The following ARIH1 variants were observed in gnomAD, a reference collection of about 807,000 sequenced individuals.
ARIH1 encodes the protein E3 ubiquitin-protein ligase ARIH1.
A neutral mutation model predicts 85.0 loss-of-function variants in ARIH1; 8 were observed. The observed-to-expected ratio is 0.09, with a 90% confidence interval of 0.06 to 0.17. The LOEUF is 0.17. Ranked by LOEUF, ARIH1 falls within the 10% of genes least tolerant of loss-of-function variation. The probability of loss-of-function intolerance (pLI) is 1.00; values close to 1 mark genes in which losing one functional copy is unlikely to be tolerated. For synonymous variants in ARIH1, 238 were observed against 253.6 expected (o/e 0.94, Z 0.59); for missense variants, 311 against 718.1 (o/e 0.43, Z 6.48).
At position 72,543,846 on chromosome 15, in the gene ARIH1, AG is replaced by A. The variant is rs548289533; in HGVS notation, c.444-973del. On this transcript the variant is annotated intron_variant, in intron 2 of 13. Coordinates refer to ENST00000379887, the MANE Select transcript of ARIH1 (RefSeq NM_005744.5). ...GTTATATTGGTTTTACAGATTGAAAAGTTTTTTTTTTTTTAATATCTATTGC... is the reference window on the plus strand; with the variant it reads ...GTTATATTGGTTTTACAGATTGAAAATTTTTTTTTTTTTAATATCTATTGC... Among the ~76,000 whole-genome samples the A allele has an allele frequency of 4.8e-3, 731 of 151,914 alleles. 9 individuals are homozygous for A. Among genetic ancestry groups the A allele is most frequent in the African/African-American group, 0.016 (671 of 41,416 alleles).
At chr15:72,566,387 A>T (rs2064221080) in intron 7 of ARIH1, 176 bp from the exon 8 acceptor site, 1 of 608,080 alleles carries the variant, frequency 1.6e-6, no homozygotes, top group Non-Finnish European at 2.9e-6. Context: ...TGCTAGTTCT[A>T]CTACTAAATT....
chr15:72,593,129 T>G lies in ARIH1; in HGVS notation c.*9837T>G, dbSNP rs1269690560. The G allele has an allele frequency of 6.6e-6, 1 of 152,226 alleles. No homozygotes were observed. Among genetic ancestry groups the G allele is most frequent in the Non-Finnish European group, 1.5e-5 (1 of 68,012 alleles). 9.4% of individuals were successfully genotyped at this position (152,226 alleles called of 1,614,324 possible). ...TTTTAGCATATATGAAATAACTGAT[T>G]TTAATTTACATTACATTTCCCTGAT... is the stretch of plus-strand genomic sequence containing the variant. On this transcript the variant is annotated 3_prime_UTR_variant, in exon 14 of 14. Coordinates refer to ENST00000379887, the MANE Select transcript of ARIH1 (RefSeq NM_005744.5).
chr15:72,552,658 A>G (rs1285983685), intron 3 of ARIH1, among the ~76,000 whole-genome samples: 2 of 152,114 alleles, frequency 1.3e-5, no homozygotes, highest in African/African-American at 2.4e-5. Context: ...TGGTACTGTT[A>G]CAGTGTGTGT....
At chr15:72,480,905 T>C (rs1414012625) in intron 1 of ARIH1, among the ~76,000 whole-genome samples, 1 of 152,192 alleles carries the variant, frequency 6.6e-6, no homozygotes, top group Non-Finnish European at 1.5e-5. Flanking sequence ...GGAGTTGAAA[T>C]ACTAGGTTGG....
chr15:72,556,990 G>A (rs535248493), intron 5 of ARIH1, among the ~76,000 whole-genome samples: 6 of 152,216 alleles, frequency 3.9e-5, no homozygotes, highest in South Asian at 4.2e-4. Context: ...GGTTGATTTC[G>A]TGTGTTTGCT....
In ARIH1 at chr15:72,544,847, C is replaced by T; in HGVS notation, c.471C>T (p.Leu157=). 1.2e-6 allele frequency: 2 copies of T among 1,613,216 alleles called. No homozygotes were observed. The highest frequency in any genetic ancestry group is 8.5e-7 in the Non-Finnish European group (1 of 1,179,446). The change falls in exon 3 of 14, where the codon CTC becomes CTT. Residue 157 remains leucine, a synonymous_variant. Transcript: ENST00000379887. The part of the protein sequence containing the change: ...ERYFDGNLEK[L]FAECHVINPS... ...ACTTTGATGGAAACCTGGAGAAGCTCTTTGCTGAGTGTCATGTAATTAATC... is the reference window on the plus strand; with the variant it reads ...ACTTTGATGGAAACCTGGAGAAGCTTTTTGCTGAGTGTCATGTAATTAATC...
intron 2 of ARIH1, among the ~76,000 whole-genome samples, chr15:72,529,999 A>G (rs1050546181): frequency 2.6e-5 from 4 of 152,226 alleles, no homozygotes; most frequent in Non-Finnish European, 5.9e-5. Flanking sequence ...CTAGTAATAA[A>G]TGAGCTGTTT....
In ARIH1 at chr15:72,599,176, C is replaced by T. The variant is rs913341914; in HGVS notation, c.*15884C>T. ...TAGCTGGGATTACAGGCGCCCGCCA[C>T]CACACCCAGCTAATTTTTGTATTTT... On this transcript the variant is annotated 3_prime_UTR_variant, in exon 14 of 14. Transcript: ENST00000379887. 1.3e-5 allele frequency: 2 copies of T among 152,080 alleles called. No homozygotes were observed. The highest frequency in any genetic ancestry group is 4.8e-5 in the African/African-American group (2 of 41,400). The allele number at this position is 152,080 out of a possible 1,614,324, so 9.4% of individuals were successfully genotyped here.
chr15:72,588,044 T>C lies in ARIH1; in HGVS notation c.*4752T>C, dbSNP rs1341109433. ...TAAAGTTTGTATATCAGTCACACAT[T>C]GATATGTAGCAGCTCTATCAATACC... On this transcript the variant is annotated 3_prime_UTR_variant, in exon 14 of 14. Transcript: ENST00000379887. The C allele has an allele frequency of 1.3e-5, 2 of 152,214 alleles. No individual in the cohort carries two copies. Among genetic ancestry groups the C allele is most frequent in the Non-Finnish European group, 2.9e-5 (2 of 68,020 alleles). 9.4% of individuals were successfully genotyped at this position (152,214 alleles called of 1,614,324 possible).
intron 1 of ARIH1, among the ~76,000 whole-genome samples, chr15:72,478,950 G>A (rs962857567): frequency 6.6e-6 from 1 of 152,080 alleles, no homozygotes; most frequent in African/African-American, 2.4e-5. Context: ...TGATTCTCCC[G>A]CCTCAGCCTC....
At chr15:72,499,627 C>G (rs952157073) in intron 1 of ARIH1, among the ~76,000 whole-genome samples, 5 of 152,144 alleles carry the variant, frequency 3.3e-5, no homozygotes, top group African/African-American at 1.2e-4. Context: ...ATTATGATTA[C>G]TGTTGCTTTT....
intron 11 of ARIH1, among the ~76,000 whole-genome samples, chr15:72,575,300 C>G (rs973774354): frequency 3.9e-5 from 6 of 152,096 alleles, no homozygotes; most frequent in Non-Finnish European, 5.9e-5. Context: ...TTGTCTTGAT[C>G]AGGCTCAGTG....
chr15:72,534,096 CAT>C (rs1472604177), intron 2 of ARIH1, among the ~76,000 whole-genome samples: 5 of 151,932 alleles, frequency 3.3e-5, no homozygotes, highest in African/African-American at 9.7e-5. Flanking sequence ...ATCTTAAAAA[CAT>C]AGTGAAAAGA....
At chr15:72,489,205 GCTA>G (rs2063848941) in intron 1 of ARIH1, among the ~76,000 whole-genome samples, 1 of 135,312 alleles carries the variant, frequency 7.4e-6, no homozygotes, top group African/African-American at 2.7e-5. Context: ...CCGAGATTGT[GCTA>G]CTGCACTCCA....
chr15:72,491,859 A>G (rs557937748), intron 1 of ARIH1, among the ~76,000 whole-genome samples: 1 of 152,358 alleles, frequency 6.6e-6, no homozygotes, highest in South Asian at 2.1e-4. Flanking sequence ...ATATCATTAA[A>G]TATACACAAA....
intron 1 of ARIH1, among the ~76,000 whole-genome samples, chr15:72,495,176 T>C (rs988582885): frequency 1.3e-5 from 2 of 152,158 alleles, no homozygotes; most frequent in Non-Finnish European, 2.9e-5. Flanking sequence ...TTGGCAAATC[T>C]ATAGAGATAG....
chr15:72,570,950 A>T, intron 10 of ARIH1, among the ~76,000 whole-genome samples: 1 of 151,820 alleles, frequency 6.6e-6, no homozygotes, highest in Non-Finnish European at 1.5e-5. Flanking sequence ...ACCAACATGG[A>T]GAAACCCCGT....
intron 2 of ARIH1, among the ~76,000 whole-genome samples, chr15:72,533,007 T>G (rs750596583): frequency 1.4e-4 from 21 of 152,130 alleles, no homozygotes; most frequent in Non-Finnish European, 2.4e-4. Flanking sequence ...TAGATGGGAG[T>G]TCAAGATGTG....
intron 3 of ARIH1, among the ~76,000 whole-genome samples, chr15:72,547,933 T>G (rs1350033856): frequency 6.6e-6 from 1 of 152,192 alleles, no homozygotes; most frequent in Non-Finnish European, 1.5e-5. Context: ...GGTCTAACAA[T>G]CTCAACAAAC....
Sources: gnomAD v4.1 joint callset for allele counts (sites outside exome capture counted in the v4.1 genomes callset) on GRCh38, gnomAD v4.1.1 for gene constraint, MANE v1.5 for transcripts, NCBI Gene and HGNC (gene_info 2026-07-23, HGNC 2026-07-21) for gene names.